The following CD276 variants were observed in gnomAD, a reference collection of about 807,000 sequenced individuals.
The protein encoded by CD276 is CD276 molecule.
Under a neutral mutation model 50.0 loss-of-function variants are expected in CD276, and 34 were observed. The observed-to-expected ratio is 0.68, with a 90% CI of 0.52 to 0.91. The LOEUF is 0.91. Among genes scored for constraint, CD276 ranks in the 40% least tolerant of loss-of-function variants. The pLI, the probability that CD276 is intolerant of heterozygous loss-of-function variation, is 0.00. For synonymous variants in CD276, 275 were observed against 313.0 expected (o/e 0.88, Z 1.28); for missense variants, 634 against 717.5 (o/e 0.88, Z 1.33).
Position 73,710,984 on chromosome 15 carries a change from A to C in CD276, c.1547-151A>C, listed in dbSNP as rs557491515. 64 of 725,064 alleles carry C rather than the reference A, an allele frequency of 8.8e-5. No individual in the cohort carries two copies. In the East Asian group the frequency reaches 1.1e-3, roughly 12 times the overall value. The allele number at this position is 725,064 out of a possible 1,614,324, so 44.9% of individuals were successfully genotyped here. ...CCTGGGACTGGGGCTTGGGACAGCAACCTAGGGCCCCTTCCCTTGTGCTAT... is the reference window on the plus strand; with the variant it reads ...CCTGGGACTGGGGCTTGGGACAGCACCCTAGGGCCCCTTCCCTTGTGCTAT... On this transcript the variant is annotated intron_variant, in intron 8 of 9. Coordinates refer to ENST00000318443, the MANE Select transcript of CD276 (RefSeq NM_001024736.2).
intron 2 of CD276, among the ~76,000 whole-genome samples, chr15:73,700,115 C>G (rs1318276147): frequency 6.6e-6 from 1 of 152,076 alleles, no homozygotes; most frequent in East Asian, 1.9e-4. Flanking sequence ...AAATAGCACA[C>G]CTCCGCTCCT....
In CD276 at chr15:73,704,605, C is replaced by A; in HGVS notation, c.1369+133C>A. 8.5e-7 allele frequency: 1 copy of A among 1,173,158 alleles called. No homozygotes were observed. The highest frequency in any genetic ancestry group is 1.2e-6 in the Non-Finnish European group (1 of 845,884). 72.7% of individuals were successfully genotyped at this position (1,173,158 alleles called of 1,614,324 possible). A position where few individuals can be genotyped will look rare whatever the true frequency, so the allele number is the denominator to read the frequency against. The stretch of plus-strand genomic sequence containing the variant: ...CCCTTTCATAGACTTCAGGTGCTCA[C>A]ACTCTTCCCCACAAGTCCTTAAGGG... On this transcript the variant is annotated intron_variant, in intron 6 of 9. Transcript: ENST00000318443. This position sits in a 1 kb window ranked among gnomAD's most constrained non-coding sequence, Gnocchi z 4.1.
intron 7 of CD276, 161 bp downstream of exon 7, chr15:73,708,634 T>TTG (rs939695831): frequency 2.6e-6 from 2 of 782,628 alleles, no homozygotes; most frequent in South Asian, 1.7e-5. Context: ...AGTCTACGTC[T>TTG]TGTGTGTGTG....
chr15:73,710,120 A>G (rs1900832754), intron 8 of CD276, among the ~76,000 whole-genome samples: 1 of 152,244 alleles, frequency 6.6e-6, no homozygotes, highest in Non-Finnish European at 1.5e-5. Context: ...GGATAATCAC[A>G]GATTCATAGG....
rs3816661 is a variant in CD276 at position 73,713,259 on chromosome 15, C to T, written c.*303C>T. On this transcript the variant is annotated 3_prime_UTR_variant, in exon 10 of 10. Coordinates refer to ENST00000318443, the MANE Select transcript of CD276 (RefSeq NM_001024736.2). Reference sequence around the variant, plus strand: ...ACATACATTTCTTAGGGACACAGTACACTGACCACATCACCACCCTCTTCT... The same window carrying T: ...ACATACATTTCTTAGGGACACAGTATACTGACCACATCACCACCCTCTTCT... 0.44 allele frequency: 177,861 copies of T among 407,098 alleles called. 39,069 individuals are homozygous for T. The highest frequency in any genetic ancestry group is 0.46 in the Admixed American group (10,628 of 23,016). 25.2% of individuals were successfully genotyped at this position (407,098 alleles called of 1,614,324 possible).
At chr15:73,708,615 G>T in intron 7 of CD276, 142 bp downstream of exon 7, 1 of 933,872 alleles carries the variant, frequency 1.1e-6, no homozygotes, top group Non-Finnish European at 1.6e-6. Flanking sequence ...TTGTCTGTGT[G>T]TGACCTTGAG....
chr15:73,701,312 A>G (rs987543305), intron 2 of CD276, among the ~76,000 whole-genome samples: 1 of 151,952 alleles, frequency 6.6e-6, no homozygotes, highest in Admixed American at 6.6e-5. Context: ...ACCGCCCCTA[A>G]CTGGCCTCCC....
At chr15:73,698,507 C>G (rs1171097731) in intron 1 of CD276, among the ~76,000 whole-genome samples, 2 of 152,180 alleles carry the variant, frequency 1.3e-5, no homozygotes, top group East Asian at 1.9e-4. Context: ...CTGTCTGGCC[C>G]TTCATTTATT....
In CD276 at chr15:73,704,455, GCT is replaced by G. The variant is rs1900569437; in HGVS notation, c.1355_1356del (p.Ser452CysfsTer45). 1 of 1,613,204 alleles carries G rather than the reference GCT, an allele frequency of 6.2e-7. No individual in the cohort carries two copies. The highest frequency in any genetic ancestry group is 1.7e-5 in the Admixed American group (1 of 59,926). On this transcript the variant is annotated frameshift_variant, in exon 6 of 10. Transcript: ENST00000318443. LOFTEE classifies it high-confidence loss of function. The surrounding 1 kb of genome is among the most constrained non-coding windows in gnomAD (Gnocchi z 4.1). ...CCCGTGCTGCAGCAGGATGCGCACG[GCT>G]CTGTCACCATCACAGGTAAGGGCAG... is the stretch of plus-strand genomic sequence containing the variant.
chr15:73,689,174 G>GGGCT (rs2141534557), intron 1 of CD276, among the ~76,000 whole-genome samples: 1 of 147,248 alleles, frequency 6.8e-6, no homozygotes, highest in African/African-American at 2.5e-5. Context: ...ACTTTTTTCA[G>GGGCT]GGCTCTGTGC....
intron 4 of CD276, 42 bp from the exon 5 acceptor site, chr15:73,703,617 C>A: frequency 2.7e-6 from 4 of 1,493,216 alleles, no homozygotes; most frequent in Non-Finnish European, 3.6e-6. Flanking sequence ...CTAGAGAGTC[C>A]CATTTCTCCT....
intron 1 of CD276, chr15:73,697,567 AT>A (rs11444461): frequency 1.7e-3 from 228 of 133,586 alleles, no homozygotes; most frequent in Middle Eastern, 3.8e-3. Flanking sequence ...CTGGGCTTTA[AT>A]TTTTTTTTTT....
At chr15:73,707,427 CG>C (rs1230336281) in intron 6 of CD276, among the ~76,000 whole-genome samples, 2 of 152,190 alleles carry the variant, frequency 1.3e-5, no homozygotes, top group African/African-American at 2.4e-5. Flanking sequence ...TCCCTCTTGA[CG>C]TGACAGCTCT....
intron 4 of CD276, 96 bp from the exon 5 acceptor site, chr15:73,703,563 C>T: frequency 1.0e-6 from 1 of 975,264 alleles, no homozygotes; most frequent in Non-Finnish European, 1.5e-6. Context: ...GGAACAGGGT[C>T]TGGGAATTGA....
At position 73,685,453 on chromosome 15, in the gene CD276, TTGTGTGTG is replaced by T. The variant is rs55859831; in HGVS notation, c.-55+1028_-55+1035del. On this transcript the variant is annotated intron_variant, in intron 1 of 9. Coordinates refer to ENST00000318443, the MANE Select transcript of CD276 (RefSeq NM_001024736.2). The stretch of plus-strand genomic sequence containing the variant: ...AAGCAAATAGTAAAGCAAAAAAGAT[TTGTGTGTG>T]TGTGTGTGTGTGTGTGTGTGTGTGT... Among the ~76,000 whole-genome samples the T allele has an allele frequency of 2.9e-3, 380 of 131,914 alleles. 3 individuals carry two copies. The highest frequency in any genetic ancestry group is 0.012 in the Middle Eastern group (3 of 252). The allele number at this position is 131,914 out of a possible 152,430, so 86.5% of individuals were successfully genotyped here.
At chr15:73,705,842 A>G (rs1900627113) in intron 6 of CD276, among the ~76,000 whole-genome samples, 1 of 152,178 alleles carries the variant, frequency 6.6e-6, no homozygotes, top group African/African-American at 2.4e-5. Context: ...GATATTTGCG[A>G]TGCTGTGCAG....
At chr15:73,689,664 A>T (rs921158546) in intron 1 of CD276, among the ~76,000 whole-genome samples, 1 of 152,226 alleles carries the variant, frequency 6.6e-6, no homozygotes, top group Non-Finnish European at 1.5e-5. Context: ...GAGCAAACTG[A>T]GGCTCAGAGA....
In CD276 at chr15:73,699,714, C is replaced by T. The variant is rs746815593; in HGVS notation, c.75C>T (p.Leu25=). 4.4e-6 allele frequency: 7 copies of T among 1,603,140 alleles called. 1 individual carries two copies. The highest frequency in any genetic ancestry group is 6.0e-6 in the Non-Finnish European group (7 of 1,174,190). Residue 25 remains leucine, a synonymous_variant, in exon 2 of 10, where the codon CTC becomes CTT. Transcript: ENST00000318443. ...GAALGALWFC[L]TGALEVQVPE... ...CCCTGGGAGCACTGTGGTTCTGCCTCACAGGTGAGGGTAGCAGCATGGGGA... is the reference window on the plus strand; with the variant it reads ...CCCTGGGAGCACTGTGGTTCTGCCTTACAGGTGAGGGTAGCAGCATGGGGA...
intron 2 of CD276, among the ~76,000 whole-genome samples, 153 bp downstream of exon 2, chr15:73,699,871 G>A (rs1327205082): frequency 3.9e-5 from 6 of 152,210 alleles, no homozygotes; most frequent in Non-Finnish European, 1.5e-5. Flanking sequence ...GGCAACTCAC[G>A]TTACTGTTCT....
Sources: allele counts gnomAD v4.1 joint callset (sites outside exome capture counted in the v4.1 genomes callset), GRCh38; gene constraint gnomAD v4.1.1; non-coding constraint Gnocchi (gnomAD v3.1); transcripts MANE v1.5; gene names NCBI Gene and HGNC (gene_info 2026-07-23, HGNC 2026-07-21).